Variants in FLNB observed in about 807,000 individuals in gnomAD.
FLNB encodes filamin-B.
FLNB carries 111 observed loss-of-function variants against 250.6 expected under a neutral mutation model. That is an observed-to-expected ratio of 0.44 (90% CI 0.38 to 0.52). FLNB has a LOEUF of 0.52. Among genes scored for constraint, FLNB ranks in the 20% least tolerant of loss-of-function variants. The pLI, the probability that FLNB is intolerant of heterozygous loss-of-function variation, is 0.00. For missense variants in FLNB, 2,869 were observed against 3,447.8 expected (o/e 0.83, Z 4.20); for synonymous variants, 1,302 against 1,372.1 (o/e 0.95, Z 1.13).
intron 1 of FLNB, among the ~76,000 whole-genome samples, chr3:58,047,126 A>G (rs1166252546): frequency 6.6e-6 from 1 of 152,196 alleles, no homozygotes; most frequent in Non-Finnish European, 1.5e-5. Flanking sequence ...CCCTGTACCT[A>G]AGTGGTTGCT....
In FLNB at chr3:58,164,807, T is replaced by C. The variant is rs1237343228; in HGVS notation, c.7198+1477T>C. 1 of 152,352 alleles carries C rather than the reference T, an allele frequency of 6.6e-6. No homozygotes were observed. The highest frequency in any genetic ancestry group is 6.5e-5 in the Admixed American group (1 of 15,274). 9.4% of individuals were successfully genotyped at this position (152,352 alleles called of 1,614,324 possible). The stretch of plus-strand genomic sequence containing the variant: ...CATTTTACAGATGTGGAAAGTGAGA[T>C]GCAGAGGTTGAGTCACTCCCCAAAC... On this transcript the variant is annotated intron_variant, in intron 43 of 45. Coordinates refer to ENST00000295956, the MANE Select transcript of FLNB (RefSeq NM_001457.4). The surrounding 1 kb of genome is among the most constrained non-coding windows in gnomAD (Gnocchi z 4.0).
chr3:58,157,016 G>T (rs1387304266), intron 41 of FLNB, among the ~76,000 whole-genome samples: 2 of 152,124 alleles, frequency 1.3e-5, no homozygotes, highest in African/African-American at 2.4e-5. Flanking sequence ...GCCCTTAACG[G>T]CAACCTCTCT....
At chr3:58,099,089 C>T (rs748099009) in intron 8 of FLNB, among the ~76,000 whole-genome samples, 181 bp downstream of exon 8, 1 of 152,176 alleles carries the variant, frequency 6.6e-6, no homozygotes, top group Non-Finnish European at 1.5e-5. Context: ...TTAATATCTT[C>T]TATGAGCCAC....
intron 28 of FLNB, among the ~76,000 whole-genome samples, chr3:58,137,491 C>G (rs1306171650): frequency 1.3e-5 from 2 of 152,238 alleles, no homozygotes; most frequent in African/African-American, 4.8e-5. Flanking sequence ...TCAGGGTCTT[C>G]CACAGATTGA....
chr3:58,014,376 TC>T (rs1465738361), intron 1 of FLNB, among the ~76,000 whole-genome samples: 3 of 152,312 alleles, frequency 2.0e-5, no homozygotes, highest in South Asian at 4.1e-4. Context: ...GACAGGGAGC[TC>T]CAGGCGTCTG....
intron 28 of FLNB, among the ~76,000 whole-genome samples, chr3:58,136,463 T>A (rs2097316193): frequency 6.6e-6 from 1 of 152,208 alleles, no homozygotes; most frequent in Non-Finnish European, 1.5e-5. Context: ...TTATATGCTT[T>A]TGAAATGTTG....
In FLNB at chr3:58,123,626, C is replaced by T. The variant is rs1559710735; in HGVS notation, c.3660C>T (p.Val1220=). The T allele has an allele frequency of 6.2e-7, 1 of 1,609,464 alleles. No homozygotes were observed. The highest frequency in any genetic ancestry group is 8.5e-7 in the Non-Finnish European group (1 of 1,179,458). ...GELVPHFPAR[V]KVEPAVDTSR... ...TCGTGCCACACTTCCCCGCCCGGGT[C>T]AAGGTGGAGCCCGCCGTGGACACCA... Residue 1220 remains valine (V), a synonymous_variant, in exon 21 of 46, where the codon GTC becomes GTT. Coordinates refer to ENST00000295956, the MANE Select transcript of FLNB (RefSeq NM_001457.4).
chr3:58,154,973 A>G (rs969189943), intron 40 of FLNB, 45 bp downstream of exon 40: 4 of 1,595,718 alleles, frequency 2.5e-6, no homozygotes, highest in Admixed American at 3.3e-5. Flanking sequence ...TTGTTTGAAC[A>G]TGATTAGGTT....
Position 58,124,468 on chromosome 3 carries a change from TGGGACCTACCAGGTGGA to T in FLNB, c.3862_3878del (p.Gly1288IlefsTer5). ...AGTGCTTTGTCACAGACAATGCGGA[TGGGACCTACCAGGTGGA>T]ATACACACCCTTTGAGAAAGGTGAG... On this transcript the variant is annotated frameshift_variant, in exon 22 of 46. Transcript: ENST00000295956. LOFTEE classifies it high-confidence loss of function. 1 of 1,614,220 alleles carries T rather than the reference TGGGACCTACCAGGTGGA, an allele frequency of 6.2e-7. No individual in the cohort carries two copies. Among genetic ancestry groups the T allele is most frequent in the Non-Finnish European group, 8.5e-7 (1 of 1,180,034 alleles).
Position 58,008,586 on chromosome 3 carries a change from C to T in FLNB, c.22C>T (p.Leu8=), listed in dbSNP as rs376917060. 2.5e-6 allele frequency: 4 copies of T among 1,604,594 alleles called. No homozygotes were observed. Among genetic ancestry groups the T allele is most frequent in the Non-Finnish European group, 3.4e-6 (4 of 1,176,226 alleles). Residue 8 remains leucine, a synonymous_variant, in exon 1 of 46, where the codon CTA becomes TTA. Coordinates refer to ENST00000295956, the MANE Select transcript of FLNB (RefSeq NM_001457.4). The stretch of plus-strand genomic sequence containing the variant: ...CAGGATGCCGGTAACCGAGAAGGAT[C>T]TAGCTGAGGACGCGCCTTGGAAGAA... The part of the protein sequence containing the change: MPVTEKD[L]AEDAPWKKIQ...
At chr3:58,061,133 C>G (rs1003233118) in intron 1 of FLNB, among the ~76,000 whole-genome samples, 2 of 152,206 alleles carry the variant, frequency 1.3e-5, no homozygotes, top group African/African-American at 4.8e-5. Context: ...CCCTACCACC[C>G]CACCTCACCT....
chr3:58,111,950 C>T (rs1223283720), intron 17 of FLNB, 69 bp downstream of exon 17: 26 of 1,355,134 alleles, frequency 1.9e-5, no homozygotes, highest in East Asian at 4.6e-5. Context: ...GTTTCATCCA[C>T]GGCCTTGAGG....
chr3:58,013,169 A>G lies in FLNB; in HGVS notation c.292+4313A>G, dbSNP rs150295050. Among the ~76,000 whole-genome samples the G allele has an allele frequency of 3.2e-3, 490 of 152,356 alleles. 4 individuals are homozygous for G. Among genetic ancestry groups the G allele is most frequent in the Non-Finnish European group, 2.9e-3 (198 of 68,034 alleles). ...GGGGCAGTCCAGCCAGCTGGGAGGA[A>G]AAGGGGTCTCTCAGCCCAAGAATGA... On this transcript the variant is annotated intron_variant, in intron 1 of 45. Coordinates refer to ENST00000295956, the MANE Select transcript of FLNB (RefSeq NM_001457.4).
intron 38 of FLNB, 122 bp downstream of exon 38, chr3:58,150,349 C>T (rs1394386102): frequency 1.9e-6 from 2 of 1,065,218 alleles, no homozygotes; most frequent in East Asian, 4.8e-5. Context: ...CTGTGCTGAC[C>T]TTTTCATTTC....
chr3:58,143,247 TCTTTA>T (rs1203471959), intron 31 of FLNB, among the ~76,000 whole-genome samples: 2 of 151,754 alleles, frequency 1.3e-5, no homozygotes, highest in African/African-American at 2.4e-5. Flanking sequence ...TGTAGAAAAC[TCTTTA>T]AGAGTTGTCT....
intron 1 of FLNB, among the ~76,000 whole-genome samples, chr3:58,071,695 T>TC (rs1474347808): frequency 2.0e-5 from 3 of 152,144 alleles, no homozygotes; most frequent in African/African-American, 7.2e-5. Flanking sequence ...ATAGTGTCTG[T>TC]CCATGCCTCT....
At position 58,163,136 on chromosome 3, in the gene FLNB, C is replaced by T; in HGVS notation, c.7022-18C>T. 6.2e-7 allele frequency: 1 copy of T among 1,613,848 alleles called. No homozygotes were observed. Among genetic ancestry groups the T allele is most frequent in the Non-Finnish European group, 8.5e-7 (1 of 1,179,754 alleles). ...CCATTTGCTTGATTTCACCCTGTGC[C>T]TTTGCTCATTCTCCTAGATAAGTAT... On this transcript the variant is annotated intron_variant, in intron 42 of 45. Transcript: ENST00000295956.
chr3:58,062,277 A>G (rs1322886194), intron 1 of FLNB, among the ~76,000 whole-genome samples: 1 of 152,212 alleles, frequency 6.6e-6, no homozygotes, highest in East Asian at 1.9e-4. Context: ...TGTACAATTC[A>G]TACTTTTCTA....
chr3:58,102,439 C>A, intron 9 of FLNB, 99 bp downstream of exon 9: 1 of 1,328,338 alleles, frequency 7.5e-7, no homozygotes, highest in Non-Finnish European at 1.1e-6. Flanking sequence ...CCTCAATAAT[C>A]CCAGAAGGCT....
Sources: gnomAD v4.1 joint callset for allele counts (sites outside exome capture counted in the v4.1 genomes callset) on GRCh38, gnomAD v4.1.1 for gene constraint, Gnocchi (gnomAD v3.1) non-coding constraint, MANE v1.5 for transcripts, NCBI Gene and HGNC (gene_info 2026-07-23, HGNC 2026-07-21) for gene names.